Variants in PDE4D observed in about 807,000 individuals in gnomAD.
The protein encoded by PDE4D is 3',5'-cyclic-AMP phosphodiesterase 4D.
In PDE4D, 24 loss-of-function variants were observed where a neutral mutation model predicts 87.4. The ratio of observed to expected loss-of-function variants is 0.27; its 90% CI spans 0.20 to 0.39. The LOEUF (loss-of-function observed/expected upper bound fraction) is 0.39, where lower values mean the gene tolerates loss of function less well. Among genes scored for constraint, PDE4D ranks in the 10% least tolerant of loss-of-function variants. PDE4D has a pLI of 1.00. For synonymous variants in PDE4D, 384 were observed against 383.2 expected, an observed-to-expected ratio of 1.00 and a Z score of -0.02; for missense variants, 714 against 1,041.0, an observed-to-expected ratio of 0.69 and a Z score of 4.32.
chr5:59,294,635 A>T (rs956585227), intron 1 of PDE4D, among the ~76,000 whole-genome samples: 1 of 152,172 alleles, frequency 6.6e-6, no homozygotes, highest in South Asian at 2.1e-4. Context: ...AGTGGCTGGG[A>T]GAATTACATT....
chr5:59,899,245 C>A (rs1751979748), intron 3 of PDE4D, among the ~76,000 whole-genome samples: 1 of 151,910 alleles, frequency 6.6e-6, no homozygotes. Flanking sequence ...TGAGAATAGC[C>A]CGTTGGACTC....
At chr5:59,703,219 G>T (rs990544019) in intron 1 of PDE4D, among the ~76,000 whole-genome samples, 1 of 152,118 alleles carries the variant, frequency 6.6e-6, no homozygotes, top group Non-Finnish European at 1.5e-5. Flanking sequence ...ATTGCACATG[G>T]ATATATTGCC....
At chr5:59,377,277 C>T (rs1025933568) in intron 1 of PDE4D, among the ~76,000 whole-genome samples, 76 of 151,854 alleles carry the variant, frequency 5.0e-4, no homozygotes, top group African/African-American at 1.5e-3. Context: ...ATCAGCTGGG[C>T]GTGGTGGCGG....
At chr5:60,290,119 C>T (rs1752759020) in intron 1 of PDE4D, among the ~76,000 whole-genome samples, 1 of 152,162 alleles carries the variant, frequency 6.6e-6, no homozygotes, top group African/African-American at 2.4e-5. Flanking sequence ...AAAATCTATA[C>T]ATGCATACGG....
chr5:59,689,008 A>G (rs1268411849), intron 1 of PDE4D, among the ~76,000 whole-genome samples: 1 of 152,252 alleles, frequency 6.6e-6, no homozygotes, highest in African/African-American at 2.4e-5. Flanking sequence ...CACCCTCCCA[A>G]GACTAAACCA....
At chr5:60,376,346 A>T (rs954025704) in intron 1 of PDE4D, among the ~76,000 whole-genome samples, 1 of 152,144 alleles carries the variant, frequency 6.6e-6, no homozygotes, top group African/African-American at 2.4e-5. Context: ...AATGGCTCAG[A>T]GCTTCCCAGC....
At chr5:59,570,156 C>A (rs949797829) in intron 1 of PDE4D, among the ~76,000 whole-genome samples, 1 of 152,118 alleles carries the variant, frequency 6.6e-6, no homozygotes, top group South Asian at 2.1e-4. Flanking sequence ...CAAGGGCATA[C>A]CTTCTAGCCT....
At chr5:59,934,191 T>C (rs1756303244) in intron 3 of PDE4D, among the ~76,000 whole-genome samples, 1 of 152,134 alleles carries the variant, frequency 6.6e-6, no homozygotes, top group Non-Finnish European at 1.5e-5. Context: ...GGTCTCAAAC[T>C]CTTGACTTCA....
At chr5:60,521,320 T>G (rs1027045022) in intron 1 of PDE4D, 2 of 152,210 alleles carry the variant, frequency 1.3e-5, no homozygotes, top group African/African-American at 4.8e-5. Context: ...GCTTGAAGAA[T>G]TGCATGGCAA....
chr5:59,291,737 A>T (rs1391854815), intron 1 of PDE4D, among the ~76,000 whole-genome samples: 3 of 104,056 alleles, frequency 2.9e-5, no homozygotes, highest in African/African-American at 1.1e-4. Flanking sequence ...AGTAAAAAGA[A>T]GTTTTTTTTT....
chr5:60,476,305 C>T (rs1203863119), intron 1 of PDE4D, among the ~76,000 whole-genome samples: 1 of 152,166 alleles, frequency 6.6e-6, no homozygotes, highest in Non-Finnish European at 1.5e-5. Flanking sequence ...TCCACAGGCT[C>T]GACTTGGCAG....
intron 1 of PDE4D, among the ~76,000 whole-genome samples, chr5:60,358,816 A>G (rs1160896518): frequency 6.6e-6 from 1 of 152,244 alleles, no homozygotes; most frequent in Non-Finnish European, 1.5e-5. Flanking sequence ...ACAGACATAA[A>G]TGAAATCAAA....
At chr5:59,768,472 G>A in intron 1 of PDE4D, 1 of 1,598,368 alleles carries the variant, frequency 6.3e-7, no homozygotes, top group Non-Finnish European at 8.5e-7. Context: ...ATCCACTTCA[G>A]GTACTGTTAA....
intron 2 of PDE4D, among the ~76,000 whole-genome samples, chr5:60,171,533 C>G (rs533417756): frequency 6.6e-6 from 1 of 152,120 alleles, no homozygotes; most frequent in East Asian, 1.9e-4. Context: ...CAAGGAGAGA[C>G]AGAATAAAAG....
intron 3 of PDE4D, among the ~76,000 whole-genome samples, chr5:59,966,601 T>C (rs1760084841): frequency 6.6e-6 from 1 of 152,218 alleles, no homozygotes; most frequent in Non-Finnish European, 1.5e-5. Context: ...AAATGTCTTT[T>C]AAATAAGAGA....
intron 2 of PDE4D, among the ~76,000 whole-genome samples, chr5:60,010,874 C>A (rs940506458): frequency 1.3e-5 from 2 of 152,108 alleles, no homozygotes; most frequent in Non-Finnish European, 2.9e-5. Flanking sequence ...AAAATAAACT[C>A]AAACTAAAAC....
chr5:60,427,395 C>T (rs959127901), intron 1 of PDE4D, among the ~76,000 whole-genome samples: 2 of 152,092 alleles, frequency 1.3e-5, no homozygotes, highest in Admixed American at 1.3e-4. Flanking sequence ...ACCCCAATGG[C>T]ATGGAATTTT....
chr5:60,265,794 C>T (rs1562271562), intron 1 of PDE4D, among the ~76,000 whole-genome samples: 1 of 152,212 alleles, frequency 6.6e-6, no homozygotes, highest in Non-Finnish European at 1.5e-5. Flanking sequence ...TGCTCTGAGA[C>T]ATCACACCTC....
chr5:59,971,870 A>G (rs1036632607), intron 3 of PDE4D, among the ~76,000 whole-genome samples: 2 of 152,200 alleles, frequency 1.3e-5, no homozygotes, highest in Non-Finnish European at 2.9e-5. Flanking sequence ...ATGGATTGAC[A>G]TAAGCAGGAA....
Sources: allele counts gnomAD v4.1 joint callset (sites outside exome capture counted in the v4.1 genomes callset), GRCh38; gene constraint gnomAD v4.1.1; transcripts MANE v1.5; gene names NCBI Gene and HGNC (gene_info 2026-07-23, HGNC 2026-07-21).